Variants in DHRS9 observed in about 807,000 individuals in gnomAD.
DHRS9 encodes the protein dehydrogenase/reductase 9, also known as dehydrogenase/reductase SDR family member 9.
DHRS9 carries 18 observed loss-of-function variants against 26.6 expected under a neutral mutation model. The ratio of observed to expected loss-of-function variants is 0.68; its 90% CI spans 0.47 to 1.00. The LOEUF (loss-of-function observed/expected upper bound fraction) is 1.00. DHRS9 is among the 50% of genes least tolerant of loss of function. The probability of loss-of-function intolerance (pLI) is 0.00; values close to 1 mark genes in which losing one functional copy is unlikely to be tolerated. For missense variants in DHRS9, 425 were observed against 378.7 expected, an observed-to-expected ratio of 1.12 and a Z score of -1.01; for synonymous variants, 134 against 141.1, an observed-to-expected ratio of 0.95 and a Z score of 0.36.
Position 169,095,973 on chromosome 2 carries a change from A to T in DHRS9, c.*206A>T. 2 of 592,566 alleles carry T rather than the reference A, an allele frequency of 3.4e-6. No individual in the cohort carries two copies. Among genetic ancestry groups the T allele is most frequent in the Non-Finnish European group, 6.0e-6 (2 of 332,956 alleles). 36.7% of individuals were successfully genotyped at this position (592,566 alleles called of 1,614,324 possible). The stretch of plus-strand genomic sequence containing the variant: ...CTTTGAAAAGGAGGGCTGGAATGGT[A>T]CATCACATAGGCAAGTCCTGCCCTG... On this transcript the variant is annotated 3_prime_UTR_variant, in exon 5 of 5. Transcript: ENST00000674881.
chr2:169,071,812 C>T (rs1259819019), intron 1 of DHRS9, among the ~76,000 whole-genome samples: 1 of 152,070 alleles, frequency 6.6e-6, no homozygotes, highest in Non-Finnish European at 1.5e-5. Context: ...GTCAGACTCT[C>T]AAAAAAGCAT....
rs540256993 is a variant in DHRS9 at position 169,070,448 on chromosome 2, A to C, written c.-60+731A>C. ...ATCAACAATCAAGTTAGAGTTGTAC[A>C]AATGGCTCTGAAATGTCCCACTACA... On this transcript the variant is annotated intron_variant, in intron 1 of 4. Coordinates refer to ENST00000674881, the MANE Select transcript of DHRS9 (RefSeq NM_001376924.1). The C allele has an allele frequency of 3.0e-4, 297 of 985,460 alleles. 4 individuals carry two copies. In the South Asian group the frequency reaches 0.011, roughly 36 times the overall value. The allele number at this position is 985,460 out of a possible 1,614,324, so 61.0% of individuals were successfully genotyped here. A position where few individuals can be genotyped will look rare whatever the true frequency, so the allele number is the denominator to read the frequency against.
chr2:169,088,540 T>C (rs962998439), intron 3 of DHRS9, among the ~76,000 whole-genome samples: 3 of 152,208 alleles, frequency 2.0e-5, no homozygotes, highest in Admixed American at 1.3e-4. Flanking sequence ...GGTGTTCCTG[T>C]GGGGAGGATG....
rs1684681367 is a variant in DHRS9, at chr2:169,095,785, G to A, written c.*18G>A. On this transcript the variant is annotated 3_prime_UTR_variant, in exon 5 of 5. Transcript: ENST00000674881. ...CAGTGTGACTCAGCTAACCACAAAT[G>A]TCTCCTCCAGGCTATGAAATTGGCC... 1.9e-6 allele frequency: 3 copies of A among 1,608,198 alleles called. No individual in the cohort carries two copies. Among genetic ancestry groups the A allele is most frequent in the Admixed American group, 3.3e-5 (2 of 59,858 alleles).
intron 3 of DHRS9, among the ~76,000 whole-genome samples, chr2:169,084,411 T>G (rs1684288000): frequency 6.6e-6 from 1 of 152,190 alleles, no homozygotes; most frequent in African/African-American, 2.4e-5. Context: ...TTGAGAAACC[T>G]CCAAACTGTT....
chr2:169,069,639 C>G lies in DHRS9; in HGVS notation c.-138C>G, dbSNP rs1355066076. 7.1e-6 allele frequency: 7 copies of G among 985,462 alleles called. No homozygotes were observed. Among genetic ancestry groups the G allele is most frequent in the Non-Finnish European group, 8.4e-6 (7 of 829,952 alleles). 61.0% of individuals were successfully genotyped at this position (985,462 alleles called of 1,614,324 possible). On this transcript the variant is annotated 5_prime_UTR_variant, in exon 1 of 5. Coordinates refer to ENST00000674881, the MANE Select transcript of DHRS9 (RefSeq NM_001376924.1). ...GGCCAGGGTGGCACAACTCTTCCTT[C>G]CCCGTGCACAGCAGGAAAGCTGCCA...
chr2:169,071,738 C>G (rs1028235570), intron 1 of DHRS9, among the ~76,000 whole-genome samples: 1 of 152,146 alleles, frequency 6.6e-6, no homozygotes, highest in Non-Finnish European at 1.5e-5. Flanking sequence ...TACCCTCCCA[C>G]GACGATAAAT....
chr2:169,085,947 T>G (rs1684336129), intron 3 of DHRS9, among the ~76,000 whole-genome samples: 1 of 152,190 alleles, frequency 6.6e-6, no homozygotes, highest in East Asian at 1.9e-4. Flanking sequence ...TTTGGGAGCT[T>G]GATTAATAAA....
chr2:169,085,121 C>A (rs1214718748), intron 3 of DHRS9, among the ~76,000 whole-genome samples: 1 of 152,118 alleles, frequency 6.6e-6, no homozygotes, highest in Admixed American at 6.5e-5. Context: ...GTTCTTGACA[C>A]CTTTGTCAAA....
chr2:169,092,012 G>T (rs1292819985), intron 4 of DHRS9, 59 bp downstream of exon 4: 8 of 1,557,544 alleles, frequency 5.1e-6, no homozygotes, highest in Middle Eastern at 1.7e-4. Context: ...CAGCATGAAG[G>T]AGATTCAAAT....
At chr2:169,094,568 A>G (rs1469972603) in intron 4 of DHRS9, among the ~76,000 whole-genome samples, 2 of 148,370 alleles carry the variant, frequency 1.3e-5, no homozygotes, top group African/African-American at 5.0e-5. Context: ...TTTAATAGAG[A>G]TGAGGTCACA....
chr2:169,070,693 A>G (rs901871949), intron 1 of DHRS9: 10 of 984,468 alleles, frequency 1.0e-5, no homozygotes, highest in East Asian at 1.1e-4. Flanking sequence ...ATTAACTCAT[A>G]TATTTCAAGA....
intron 3 of DHRS9, among the ~76,000 whole-genome samples, chr2:169,085,638 C>T (rs983742014): frequency 1.3e-5 from 2 of 151,998 alleles, no homozygotes; most frequent in African/African-American, 4.8e-5. Context: ...TTGCTGTTGG[C>T]ATACAGAAAT....
At chr2:169,082,670 C>T (rs150056681) in intron 2 of DHRS9, among the ~76,000 whole-genome samples, 172 of 152,138 alleles carry the variant, frequency 1.1e-3, no homozygotes, top group Middle Eastern at 3.4e-3. Context: ...TTTAAACAAG[C>T]CAAGTGAATG....
rs183965693 is a variant in DHRS9 at position 169,081,164 on chromosome 2, C to T, written c.-59-359C>T. ...TGAACTAGCAAGAGGTAAGATTTTA[C>T]TGTGAGGGTCTGTCTTCCTGATAGA... On this transcript the variant is annotated intron_variant, in intron 1 of 4. Coordinates refer to ENST00000674881, the MANE Select transcript of DHRS9 (RefSeq NM_001376924.1). 7.4e-4 allele frequency: 751 copies of T among 1,010,548 alleles called. 4 individuals carry two copies. The highest frequency in any genetic ancestry group is 7.3e-4 in the Non-Finnish European group (619 of 845,470). The allele number at this position is 1,010,548 out of a possible 1,614,324, so 62.6% of individuals were successfully genotyped here.
intron 3 of DHRS9, among the ~76,000 whole-genome samples, chr2:169,090,749 TTA>T (rs1413568940): frequency 2.6e-5 from 4 of 152,208 alleles, no homozygotes; most frequent in Non-Finnish European, 5.9e-5. Context: ...ACTTGCAATG[TTA>T]AACATGACTT....
chr2:169,074,294 G>GC (rs1683895882), intron 1 of DHRS9: 3 of 985,292 alleles, frequency 3.0e-6, no homozygotes, highest in Non-Finnish European at 3.6e-6. Context: ...TTTGTCCGAG[G>GC]GCCCTCTGAT....
chr2:169,074,447 C>A (rs1238154370), intron 1 of DHRS9: 2 of 985,290 alleles, frequency 2.0e-6, no homozygotes, highest in African/African-American at 3.5e-5. Context: ...AGCAGATAAG[C>A]AAACAACTCA....
At chr2:169,087,100 A>G (rs1052173792) in intron 3 of DHRS9, among the ~76,000 whole-genome samples, 14 of 152,242 alleles carry the variant, frequency 9.2e-5, no homozygotes, top group African/African-American at 3.1e-4. Context: ...AGGTGTCCAG[A>G]GATGCCATGT....
Sources: gnomAD v4.1 joint callset for allele counts (sites outside exome capture counted in the v4.1 genomes callset) on GRCh38, gnomAD v4.1.1 for gene constraint, MANE v1.5 for transcripts, NCBI Gene and HGNC (gene_info 2026-07-23, HGNC 2026-07-21) for gene names.